LBH: variants seen among roughly 807,000 people sequenced by gnomAD.
LBH encodes the protein LBH regulator of Wnt signaling pathway, also known as protein LBH.
In LBH, 7 loss-of-function variants were observed where a neutral mutation model predicts 12.5. That is an observed-to-expected ratio of 0.56 (90% CI 0.32 to 1.05). The LOEUF (loss-of-function observed/expected upper bound fraction) is 1.05, where lower values mean the gene tolerates loss of function less well. LBH is among the 50% of genes least tolerant of loss of function. The pLI, the probability that LBH is intolerant of heterozygous loss-of-function variation, is 0.04. For synonymous variants in LBH, 51 were observed against 50.1 expected (o/e 1.02, Z -0.08); for missense variants, 119 against 138.9 (o/e 0.86, Z 0.72).
intron 2 of LBH, among the ~76,000 whole-genome samples, chr2:30,240,410 G>A (rs1050231982): frequency 1.4e-4 from 22 of 152,288 alleles, no homozygotes; most frequent in African/African-American, 5.3e-4. Context: ...AAATGATCTT[G>A]CAGGCCTGAG....
At chr2:30,242,370 A>G (rs907028709) in intron 2 of LBH, among the ~76,000 whole-genome samples, 3 of 152,020 alleles carry the variant, frequency 2.0e-5, no homozygotes, top group Non-Finnish European at 4.4e-5. Flanking sequence ...CAGCCTCCCA[A>G]GTAGCTGAGA....
intron 2 of LBH, among the ~76,000 whole-genome samples, chr2:30,250,530 G>C (rs965129594): frequency 6.6e-5 from 10 of 151,368 alleles, no homozygotes; most frequent in Admixed American, 4.6e-4. Context: ...TCAGGGGAGG[G>C]TGGCTCTGAC....
chr2:30,232,066 A>T, intron 1 of LBH: 1 of 1,489,940 alleles, frequency 6.7e-7, no homozygotes, highest in Non-Finnish European at 9.0e-7. Context: ...CCCCAATGAA[A>T]CCACCCTATG....
intron 2 of LBH, among the ~76,000 whole-genome samples, chr2:30,237,512 T>C (rs1004046187): frequency 3.3e-5 from 5 of 152,182 alleles, no homozygotes; most frequent in African/African-American, 1.2e-4. Flanking sequence ...TTCATCTTTG[T>C]ACCCTGCCCC....
intron 2 of LBH, among the ~76,000 whole-genome samples, chr2:30,240,350 T>C (rs1677769386): frequency 6.6e-6 from 1 of 152,170 alleles, no homozygotes; most frequent in Admixed American, 6.5e-5. Flanking sequence ...GGGTGGCGAA[T>C]GTTGTGACTG....
intron 2 of LBH, among the ~76,000 whole-genome samples, chr2:30,254,188 A>G (rs2103563408): frequency 6.6e-6 from 1 of 152,358 alleles, no homozygotes; most frequent in Admixed American, 6.5e-5. Flanking sequence ...TTTATCCTAT[A>G]CATCCATACC....
chr2:30,235,216 G>A (rs762674321), intron 2 of LBH, among the ~76,000 whole-genome samples: 7 of 152,150 alleles, frequency 4.6e-5, no homozygotes, highest in Non-Finnish European at 1.0e-4. Flanking sequence ...ACTGCCCCTG[G>A]GTTGGGGGTG....
At chr2:30,254,959 C>T (rs939614319) in intron 2 of LBH, among the ~76,000 whole-genome samples, 4 of 152,260 alleles carry the variant, frequency 2.6e-5, no homozygotes, top group Admixed American at 2.0e-4. Flanking sequence ...CCTCCCTGCT[C>T]AGTTTTCCAT....
intron 2 of LBH, among the ~76,000 whole-genome samples, chr2:30,249,308 G>A (rs1034017934): frequency 3.3e-5 from 5 of 152,178 alleles, no homozygotes; most frequent in Admixed American, 3.3e-4. Context: ...GAACAGGTGG[G>A]TTTTTTATTT....
At chr2:30,241,707 C>A (rs2103558444) in intron 2 of LBH, among the ~76,000 whole-genome samples, 1 of 152,174 alleles carries the variant, frequency 6.6e-6, no homozygotes, top group East Asian at 1.9e-4. Flanking sequence ...AAGTGATCCT[C>A]CCCCCTCAGC....
At chr2:30,233,735 CT>C (rs1677633729) in intron 1 of LBH, among the ~76,000 whole-genome samples, 1 of 152,206 alleles carries the variant, frequency 6.6e-6, no homozygotes, top group Admixed American at 6.5e-5. Flanking sequence ...ATCCTTAAGG[CT>C]TTTAATCCAG....
In LBH at chr2:30,231,621, C is replaced by A. The variant is rs982725514; in HGVS notation, c.-118C>A. On this transcript the variant is annotated 5_prime_UTR_variant, in exon 1 of 3. Coordinates refer to ENST00000395323, the MANE Select transcript of LBH (RefSeq NM_030915.4). ...CTGTCCTGGGAAGGCGGACGGCGAG[C>A]GCCCGGTGTCCGCACTCGGCCGCCT... The A allele has an allele frequency of 2.0e-6, 2 of 982,844 alleles. No individual in the cohort carries two copies. The highest frequency in any genetic ancestry group is 1.6e-6 in the Non-Finnish European group (1 of 629,496). The allele number at this position is 982,844 out of a possible 1,614,324, so 60.9% of individuals were successfully genotyped here.
In LBH at chr2:30,234,436, G is replaced by C. The variant is rs374557249; in HGVS notation, c.58G>C (p.Glu20Gln). The C allele has an allele frequency of 5.0e-6, 8 of 1,614,080 alleles. No individual in the cohort carries two copies. The African/African-American group carries it at 1.1e-4, about 22-fold the overall frequency. Reference protein sequence around the residue: ...PDYLRSAKMTEVMMNTQPMEE... With the variant: ...PDYLRSAKMTQVMMNTQPMEE... Reference sequence around the variant, plus strand: ...CTATCTGAGATCGGCCAAGATGACTGAGGTGATGATGAACACCCAGCCCAT... The same window carrying C: ...CTATCTGAGATCGGCCAAGATGACTCAGGTGATGATGAACACCCAGCCCAT... Residue 20 changes from glutamate to glutamine, a missense_variant, in exon 2 of 3, where the codon GAG becomes CAG. Glu to Gln is a conservative substitution (Grantham distance 29). Transcript: ENST00000395323.
At chr2:30,254,569 C>T (rs1452091816) in intron 2 of LBH, among the ~76,000 whole-genome samples, 1 of 151,920 alleles carries the variant, frequency 6.6e-6, no homozygotes. Flanking sequence ...TGCTTCCCAC[C>T]CCTCTCCTCC....
intron 2 of LBH, among the ~76,000 whole-genome samples, chr2:30,252,490 G>A (rs1005861219): frequency 1.3e-5 from 2 of 152,034 alleles, no homozygotes; most frequent in South Asian, 2.1e-4. Context: ...GTGAACCATC[G>A]TCTCTACTAA....
At chr2:30,233,595 T>A (rs1677631064) in intron 1 of LBH, among the ~76,000 whole-genome samples, 1 of 152,266 alleles carries the variant, frequency 6.6e-6, no homozygotes, top group South Asian at 2.1e-4. Context: ...ATCCTGTATG[T>A]GCCCAGAGTT....
At chr2:30,232,196 G>T in intron 1 of LBH, 1 of 1,528,358 alleles carries the variant, frequency 6.5e-7, no homozygotes, top group Non-Finnish European at 8.8e-7. Context: ...GGCAGCAGCG[G>T]GGCTGAGCTG....
chr2:30,236,259 G>A (rs929624542), intron 2 of LBH, among the ~76,000 whole-genome samples: 5 of 152,214 alleles, frequency 3.3e-5, no homozygotes, highest in African/African-American at 1.2e-4. Flanking sequence ...AGGCCATTCT[G>A]CTGGACCTGA....
chr2:30,257,747 T>G lies in LBH; in HGVS notation c.*126T>G. On this transcript the variant is annotated 3_prime_UTR_variant, in exon 3 of 3. Transcript: ENST00000395323. ...AAAATGTCAAACGAGGCTTCTGTTT[T>G]GCACCTGCAGATCACCGAGTTGGTT... 1.5e-6 allele frequency: 1 copy of G among 668,608 alleles called. No homozygotes were observed. Among genetic ancestry groups the G allele is most frequent in the Non-Finnish European group, 2.4e-6 (1 of 421,386 alleles). The allele number at this position is 668,608 out of a possible 1,614,324, so 41.4% of individuals were successfully genotyped here.
Sources: allele counts gnomAD v4.1 joint callset (sites outside exome capture counted in the v4.1 genomes callset), GRCh38; gene constraint gnomAD v4.1.1; transcripts MANE v1.5; gene names NCBI Gene and HGNC (gene_info 2026-07-23, HGNC 2026-07-21).